Variants in JUP observed in about 807,000 individuals in gnomAD.
JUP encodes the protein junction plakoglobin, also known as catenin (cadherin-associated protein), gamma 80kDa.
Under a neutral mutation model 71.1 loss-of-function variants are expected in JUP, and 28 were observed. That is an observed-to-expected ratio of 0.39 (90% CI 0.29 to 0.54). The LOEUF is 0.54. Ranked by LOEUF, JUP falls within the 20% of genes least tolerant of loss-of-function variation. The pLI is 0.62. For synonymous variants in JUP, 401 were observed against 438.9 expected (o/e 0.91, Z 1.08); for missense variants, 869 against 1,030.1 (o/e 0.84, Z 2.14).
chr17:41,783,946 C>T (rs1555611054), intron 1 of JUP, among the ~76,000 whole-genome samples: 1 of 150,152 alleles, frequency 6.7e-6, no homozygotes, highest in African/African-American at 2.5e-5. Context: ...TAAAGTCTTA[C>T]CTTGATCTTG....
At chr17:41,761,684 C>T (rs1597795964) in intron 8 of JUP, among the ~76,000 whole-genome samples, 1 of 148,118 alleles carries the variant, frequency 6.8e-6, no homozygotes, top group South Asian at 2.1e-4. Flanking sequence ...ACCCGGGAGG[C>T]GGAGGTTGCA....
chr17:41,770,653 T>A (rs1406291555), intron 2 of JUP, among the ~76,000 whole-genome samples: 1 of 152,192 alleles, frequency 6.6e-6, no homozygotes, highest in African/African-American at 2.4e-5. Flanking sequence ...CCCCCTGGCA[T>A]GTTCAGGGCC....
At chr17:41,776,347 CACTGTG>C (rs1250036784) in intron 1 of JUP, among the ~76,000 whole-genome samples, 4 of 152,222 alleles carry the variant, frequency 2.6e-5, no homozygotes, top group Non-Finnish European at 5.9e-5. Context: ...CTTCTTTTGT[CACTGTG>C]ACTCTGGAAG....
chr17:41,776,481 G>A (rs1025844410), intron 1 of JUP, among the ~76,000 whole-genome samples: 4 of 152,202 alleles, frequency 2.6e-5, no homozygotes, highest in Admixed American at 6.5e-5. Context: ...TTTGGAAGGC[G>A]GAGGTGGGAG....
chr17:41,772,188 C>T (rs541154317), intron 1 of JUP: 11 of 437,496 alleles, frequency 2.5e-5, no homozygotes, highest in African/African-American at 1.6e-4. Context: ...CCCCTGCTCA[C>T]GCACCTTGCT....
intron 5 of JUP, 103 bp downstream of exon 5, chr17:41,767,276 A>G: frequency 1.1e-6 from 1 of 884,414 alleles, no homozygotes; most frequent in South Asian, 1.4e-5. Flanking sequence ...CTGCACCTAT[A>G]TCTCATCTAA....
Sources: gnomAD v4.1 joint callset for allele counts (sites outside exome capture counted in the v4.1 genomes callset) on GRCh38, gnomAD v4.1.1 for gene constraint, MANE v1.5 for transcripts, NCBI Gene and HGNC (gene_info 2026-07-23, HGNC 2026-07-21) for gene names.